The following PPP2R5C variants were observed in gnomAD, a reference collection of about 807,000 sequenced individuals.
The protein encoded by PPP2R5C is serine/threonine-protein phosphatase 2A 56 kDa regulatory subunit gamma isoform.
A neutral mutation model predicts 68.9 loss-of-function variants in PPP2R5C; 7 were observed. The ratio of observed to expected loss-of-function variants is 0.10; its 90% CI spans 0.06 to 0.19. The LOEUF is 0.19. Among genes scored for constraint, PPP2R5C ranks in the 10% least tolerant of loss-of-function variants. The pLI, the probability that PPP2R5C is intolerant of heterozygous loss-of-function variation, is 1.00. For missense variants in PPP2R5C, 348 were observed against 641.3 expected (o/e 0.54, Z 4.94); for synonymous variants, 210 against 222.2 (o/e 0.95, Z 0.49).
chr14:101,791,176 C>A (rs909944121), intron 3 of PPP2R5C, among the ~76,000 whole-genome samples: 3 of 152,210 alleles, frequency 2.0e-5, no homozygotes, highest in Admixed American at 1.3e-4. Flanking sequence ...TGTATGAGGG[C>A]TCTGATGTGG....
intron 1 of PPP2R5C, among the ~76,000 whole-genome samples, chr14:101,832,582 A>G (rs2040813429): frequency 6.6e-6 from 1 of 152,162 alleles, no homozygotes; most frequent in Admixed American, 6.5e-5. Flanking sequence ...ATCTGTTCCG[A>G]AGACACCTTC....
intron 10 of PPP2R5C, among the ~76,000 whole-genome samples, chr14:101,907,213 C>G (rs1217286976): frequency 6.6e-6 from 1 of 152,018 alleles, no homozygotes; most frequent in African/African-American, 2.4e-5. Context: ...CTATGTCCCC[C>G]CGGCTGGAGT....
chr14:101,797,581 C>G lies in PPP2R5C; in HGVS notation c.259+11398C>G, dbSNP rs954098947. On this transcript the variant is annotated intron_variant, in intron 3 of 14. Coordinates refer to the PPP2R5C transcript ENST00000328724. This position sits in a 1 kb window ranked among gnomAD's most constrained non-coding sequence, Gnocchi z 4.2. The stretch of plus-strand genomic sequence containing the variant: ...CAGGGCCACCTATCCCTTCACCTCC[C>G]TCCACCTCGGATTTCCTCTTGGAAA... 4.1e-6 allele frequency: 1 copy of G among 246,090 alleles called. No individual in the cohort carries two copies. The highest frequency in any genetic ancestry group is 4.9e-5 in the Admixed American group (1 of 20,242). 15.2% of individuals were successfully genotyped at this position (246,090 alleles called of 1,614,324 possible).
At chr14:101,925,178 G>A in exon 14 of PPP2R5C, 3 of 1,614,060 alleles carry the variant, frequency 1.9e-6, no homozygotes, top group African/African-American at 1.3e-5. Flanking sequence ...CCTCTTGCAC[G>A]CCGCAAGTCC....
In PPP2R5C at chr14:101,781,626, G is replaced by A. The variant is rs1044873570; in HGVS notation, c.94-4392G>A. Among the ~76,000 whole-genome samples, 2 of 152,066 alleles carry A rather than the reference G, an allele frequency of 1.3e-5. No individual in the cohort carries two copies. Among genetic ancestry groups the A allele is most frequent in the Admixed American group, 6.5e-5 (1 of 15,280 alleles). ...AGGAGACCCTTAGCTCCCGCCGGCCGCCTCCGGAGCCTCCGGCATGGGCCC... is the reference window on the plus strand; with the variant it reads ...AGGAGACCCTTAGCTCCCGCCGGCCACCTCCGGAGCCTCCGGCATGGGCCC... On this transcript the variant is annotated intron_variant, in intron 2 of 14. Coordinates refer to the PPP2R5C transcript ENST00000328724. The surrounding 1 kb of genome is among the most constrained non-coding windows in gnomAD (Gnocchi z 6.4).
intron 5 of PPP2R5C, 55 bp downstream of exon 7, chr14:101,883,617 C>T: frequency 6.3e-7 from 1 of 1,585,582 alleles, no homozygotes; most frequent in Non-Finnish European, 8.6e-7. Context: ...CATTTCCCCC[C>T]TCGATGCTCC....
intron 1 of PPP2R5C, among the ~76,000 whole-genome samples, chr14:101,810,800 G>T (rs1016802257): frequency 6.6e-6 from 1 of 152,190 alleles, no homozygotes; most frequent in Non-Finnish European, 1.5e-5. Context: ...TAGCCTAAAA[G>T]CACAACTACT....
intron 1 of PPP2R5C, among the ~76,000 whole-genome samples, chr14:101,850,163 A>G (rs1318192961): frequency 6.6e-6 from 1 of 152,142 alleles, no homozygotes; most frequent in Non-Finnish European, 1.5e-5. Context: ...GGATGGGTGC[A>G]AGGGGCCGTT....
chr14:101,888,665 C>G lies in PPP2R5C; in HGVS notation c.630-1572C>G, dbSNP rs1555398434. Among the ~76,000 whole-genome samples, 1 of 152,186 alleles carries G rather than the reference C, an allele frequency of 6.6e-6. No homozygotes were observed. The highest frequency in any genetic ancestry group is 1.5e-5 in the Non-Finnish European group (1 of 68,042). ...GGAATGCAGTGGCGCCATCTCAGCT[C>G]ACTGCAACCTCCATCTTCCAGGTTC... On this transcript the variant is annotated intron_variant, in intron 5 of 13. Transcript: ENST00000334743. The surrounding 1 kb of genome is among the most constrained non-coding windows in gnomAD (Gnocchi z 5.6).
Position 101,879,574 on chromosome 14 carries a change from G to C in PPP2R5C, c.295-2587G>C, listed in dbSNP as rs946582561. ...CATAGTCCTGTTCACAGATTCCTCTGCCACCCAGAGTTCGTGCCCAGGCTC... is the reference window on the plus strand; with the variant it reads ...CATAGTCCTGTTCACAGATTCCTCTCCCACCCAGAGTTCGTGCCCAGGCTC... On this transcript the variant is annotated intron_variant, in intron 2 of 13. Coordinates refer to ENST00000334743, the Ensembl canonical transcript of PPP2R5C. This position sits in a 1 kb window ranked among gnomAD's most constrained non-coding sequence, Gnocchi z 4.2. Among the ~76,000 whole-genome samples the C allele has an allele frequency of 7.9e-5, 12 of 152,144 alleles. No homozygotes were observed. Among genetic ancestry groups the C allele is most frequent in the African/African-American group, 2.9e-4 (12 of 41,426 alleles).
chr14:101,786,171 C>T, exon 3 of PPP2R5C: 3 of 1,561,232 alleles, frequency 1.9e-6, no homozygotes, highest in Non-Finnish European at 2.6e-6. Flanking sequence ...TCAAAAACTA[C>T]CATCCTTAAA....
At chr14:101,846,287 T>C (rs2140465983) in intron 1 of PPP2R5C, among the ~76,000 whole-genome samples, 1 of 152,356 alleles carries the variant, frequency 6.6e-6, no homozygotes, top group South Asian at 2.1e-4. Flanking sequence ...GAAGCTAAGA[T>C]ACCATATCTC....
upstream of PPP2R5C, among the ~76,000 whole-genome samples, chr14:101,760,932 C>T (rs1279527005): frequency 9.6e-4 from 81 of 84,220 alleles, no homozygotes; most frequent in African/African-American, 3.6e-3. Flanking sequence ...AGGGGCTGGC[C>T]GAGGGAAGAG....
At chr14:101,925,296 CG>C in exon 14 of PPP2R5C, 1 of 1,609,250 alleles carries the variant, frequency 6.2e-7, no homozygotes, top group Non-Finnish European at 8.5e-7. Flanking sequence ...GCGTCGGGGC[CG>C]GGCCCGCCAG....
upstream of PPP2R5C, chr14:101,760,847 C>G (rs1264522840): frequency 6.2e-6 from 1 of 162,080 alleles, no homozygotes; most frequent in Non-Finnish European, 7.2e-6. Context: ...AGGGCCCGGC[C>G]AAGGGGAGGG....
intron 3 of PPP2R5C, among the ~76,000 whole-genome samples, chr14:101,798,373 G>A (rs1001192167): frequency 2.0e-5 from 3 of 152,182 alleles, no homozygotes; most frequent in Non-Finnish European, 4.4e-5. Flanking sequence ...GTTTTAATCA[G>A]AAATACTACC....
intron 2 of PPP2R5C, among the ~76,000 whole-genome samples, chr14:101,875,188 C>G (rs1007422811): frequency 6.6e-6 from 1 of 152,114 alleles, no homozygotes; most frequent in Non-Finnish European, 1.5e-5. Flanking sequence ...GAGGTGAAAT[C>G]GATTCTTTGA....
chr14:101,798,075 T>A (rs1241981452), intron 3 of PPP2R5C, among the ~76,000 whole-genome samples: 1 of 151,970 alleles, frequency 6.6e-6, no homozygotes, highest in Non-Finnish European at 1.5e-5. Context: ...TTTTAAACTG[T>A]GAAGTGAAGC....
At chr14:101,809,546 C>T (rs1449081062), upstream of PPP2R5C, among the ~76,000 whole-genome samples, 1 of 145,342 alleles carries the variant, frequency 6.9e-6, no homozygotes, top group Non-Finnish European at 1.5e-5. Context: ...CAGACATATA[C>T]ACACACTTTT....
Sources: gnomAD v4.1 joint callset for allele counts (sites outside exome capture counted in the v4.1 genomes callset) on GRCh38, gnomAD v4.1.1 for gene constraint, Gnocchi (gnomAD v3.1) non-coding constraint, MANE v1.5 for transcripts, NCBI Gene and HGNC (gene_info 2026-07-23, HGNC 2026-07-21) for gene names.